ZWILCH: variants seen among roughly 807,000 people sequenced by gnomAD.
ZWILCH encodes the protein protein zwilch homolog.
A neutral mutation model predicts 79.9 loss-of-function variants in ZWILCH; 74 were observed. That is an observed-to-expected ratio of 0.93 (90% confidence interval 0.77 to 1.12). The LOEUF (loss-of-function observed/expected upper bound fraction) is 1.12, where lower values mean the gene tolerates loss of function less well. ZWILCH is among the 50% of genes most tolerant of loss of function. The probability of loss-of-function intolerance (pLI) is 0.00; values close to 1 mark genes in which losing one functional copy is unlikely to be tolerated. For missense variants in ZWILCH, 694 were observed against 687.5 expected (o/e 1.01, Z -0.11); for synonymous variants, 241 against 228.2 (o/e 1.06, Z -0.51).
intron 2 of ZWILCH, among the ~76,000 whole-genome samples, chr15:66,511,416 C>T (rs919464136): frequency 3.3e-5 from 5 of 150,130 alleles, no homozygotes; most frequent in Non-Finnish European, 7.4e-5. Context: ...TTGCTTGAGT[C>T]TGGGAGGTTA....
chr15:66,538,660 T>C (rs8034603), intron 16 of ZWILCH, among the ~76,000 whole-genome samples: 133,677 of 152,216 alleles, frequency 0.88, 58,802 homozygotes, highest in East Asian at 0.93. Flanking sequence ...GGATTACAGG[T>C]GTGAGCCACC....
chr15:66,508,076 T>A (rs1893895598), intron 1 of ZWILCH, among the ~76,000 whole-genome samples: 1 of 152,250 alleles, frequency 6.6e-6, no homozygotes, highest in Admixed American at 6.5e-5. Context: ...CTGTTTCTAT[T>A]TCAGGAAGTC....
intron 8 of ZWILCH, among the ~76,000 whole-genome samples, chr15:66,524,233 T>C (rs1190722046): frequency 2.0e-5 from 3 of 152,236 alleles, no homozygotes; most frequent in East Asian, 1.9e-4. Flanking sequence ...AAAGTAGTTA[T>C]GTTATTTTAT....
chr15:66,549,983 A>G lies in ZWILCH; in HGVS notation c.*1659A>G. On this transcript the variant is annotated 3_prime_UTR_variant, in exon 19 of 19. Transcript: ENST00000307897. Reference sequence around the variant, plus strand: ...GCCACATTTTGAGATTTTGAAAATGATATGTATAATTATTTAGTTTAATTA... The same window carrying G: ...GCCACATTTTGAGATTTTGAAAATGGTATGTATAATTATTTAGTTTAATTA... The G allele has an allele frequency of 2.6e-6, 3 of 1,138,404 alleles. No homozygotes were observed. The highest frequency in any genetic ancestry group is 3.7e-6 in the Non-Finnish European group (3 of 812,464). 70.5% of individuals were successfully genotyped at this position (1,138,404 alleles called of 1,614,324 possible).
At position 66,509,905 on chromosome 15, in the gene ZWILCH, G is replaced by A. The variant is rs555073585; in HGVS notation, c.105+1013G>A. ...ATCAATGAGGAAGATGGCTGGGCAC[G>A]ATGGCTCATGCCTGTAATCGCAGCA... On this transcript the variant is annotated intron_variant, in intron 2 of 18. Transcript: ENST00000307897. Among the ~76,000 whole-genome samples, 139 of 131,994 alleles carry A rather than the reference G, an allele frequency of 1.1e-3. 1 individual carries two copies. The highest frequency in any genetic ancestry group is 4.4e-3 in the Middle Eastern group (1 of 228). The allele number at this position is 131,994 out of a possible 152,430, so 86.6% of individuals were successfully genotyped here.
At chr15:66,506,309 C>T (rs1310674813) in intron 1 of ZWILCH, among the ~76,000 whole-genome samples, 2 of 152,164 alleles carry the variant, frequency 1.3e-5, no homozygotes, top group East Asian at 3.9e-4. Context: ...CATTGTGACT[C>T]CTTATAGATC....
chr15:66,534,808 A>G, intron 14 of ZWILCH, among the ~76,000 whole-genome samples: 1 of 152,196 alleles, frequency 6.6e-6, no homozygotes, highest in South Asian at 2.1e-4. Context: ...ACTGTACACT[A>G]TTGTAGACTA....
intron 4 of ZWILCH, 96 bp downstream of exon 4, chr15:66,515,740 T>G (rs957645291): frequency 1.3e-5 from 10 of 795,796 alleles, no homozygotes; most frequent in Non-Finnish European, 2.0e-5. Flanking sequence ...AGCCCTTATA[T>G]CTTCCTTCAT....
chr15:66,547,709 T>G (rs1166109428), intron 18 of ZWILCH: 1 of 152,130 alleles, frequency 6.6e-6, no homozygotes, highest in Non-Finnish European at 1.5e-5. Context: ...ACGTGCTCAT[T>G]TACTTGGTAC....
chr15:66,528,260 T>G (rs1894746370), intron 10 of ZWILCH, among the ~76,000 whole-genome samples: 1 of 152,162 alleles, frequency 6.6e-6, no homozygotes, highest in African/African-American at 2.4e-5. Flanking sequence ...TGCACCACCA[T>G]GTCTGGCTAA....
chr15:66,527,318 T>A lies in ZWILCH; in HGVS notation c.848T>A (p.Val283Asp). Residue 283 changes from valine (V) to aspartate (D), a missense_variant, in exon 9 of 19, where the codon GTC (valine) becomes GAC (aspartate). Transcript: ENST00000307897. ...LVLADGLRTG[V>D]TEWLEPLEAK... ...TTGGCTGATGGTTTGAGGACTGGTG[T>A]CACTGAATGGCTCGAGCCCCTGGAA... 3 of 1,614,156 alleles carry A rather than the reference T, an allele frequency of 1.9e-6. No individual in the cohort carries two copies. Among genetic ancestry groups the A allele is most frequent in the Non-Finnish European group, 2.5e-6 (3 of 1,180,002 alleles).
intron 2 of ZWILCH, among the ~76,000 whole-genome samples, chr15:66,509,896 G>A: frequency 8.0e-6 from 1 of 125,112 alleles, no homozygotes. Flanking sequence ...GAGGAAGATG[G>A]CTGGGCACGA....
intron 4 of ZWILCH, 21 bp from the exon 5 acceptor site, chr15:66,518,858 G>A (rs760457534): frequency 1.2e-5 from 20 of 1,601,712 alleles, no homozygotes; most frequent in African/African-American, 1.3e-5. Flanking sequence ...TCTATAATTT[G>A]TCCTTACTCT....
In ZWILCH at chr15:66,521,166, G is replaced by A; in HGVS notation, c.708G>A (p.Glu236=). The part of the protein sequence containing the change: ...ALDISWSPVD[E]ILQIPPLSST... The stretch of plus-strand genomic sequence containing the variant: ...ATATTTCCTGGAGTCCTGTGGATGA[G>A]ATTCTTCAAATCCCTCCACTCTCTT... Residue 236 remains glutamate, a synonymous_variant, in exon 7 of 19, where the codon GAG becomes GAA. Transcript: ENST00000307897. 2 of 1,613,530 alleles carry A rather than the reference G, an allele frequency of 1.2e-6. No homozygotes were observed. The highest frequency in any genetic ancestry group is 1.7e-6 in the Non-Finnish European group (2 of 1,180,034).
chr15:66,516,924 G>C (rs1298601571), intron 4 of ZWILCH, among the ~76,000 whole-genome samples: 1 of 152,196 alleles, frequency 6.6e-6, no homozygotes, highest in Admixed American at 6.5e-5. Context: ...TCTCCAGCCA[G>C]TGTTTGTGTG....
At chr15:66,522,715 AAG>A (rs1471662601) in intron 7 of ZWILCH, among the ~76,000 whole-genome samples, 1 of 152,230 alleles carries the variant, frequency 6.6e-6, no homozygotes, top group African/African-American at 2.4e-5. Context: ...AAAAAAGAAA[AAG>A]TATAAATTAT....
intron 1 of ZWILCH, 37 bp from the exon 2 acceptor site, chr15:66,508,804 T>C (rs768341922): frequency 6.2e-7 from 1 of 1,613,224 alleles, no homozygotes; most frequent in South Asian, 1.1e-5. Flanking sequence ...GGAGAGATAA[T>C]GTAGTTCTGT....
chr15:66,550,047 C>G lies in ZWILCH; in HGVS notation c.*1723C>G. On this transcript the variant is annotated 3_prime_UTR_variant, in exon 19 of 19. Coordinates refer to ENST00000307897, the MANE Select transcript of ZWILCH (RefSeq NM_017975.5). ...TTGAAATATACTGACTCACCTGCAG[C>G]AAGCATCTGATTGTTGATAGAGCAA... The G allele has an allele frequency of 1.2e-6, 2 of 1,600,018 alleles. No homozygotes were observed. The highest frequency in any genetic ancestry group is 1.7e-5 in the Admixed American group (1 of 57,808).
At chr15:66,540,944 A>C (rs1162040857) in intron 17 of ZWILCH, among the ~76,000 whole-genome samples, 1 of 151,642 alleles carries the variant, frequency 6.6e-6, no homozygotes, top group Admixed American at 6.6e-5. Flanking sequence ...AGTTTTAAGT[A>C]ATTTTCCCGA....
Sources: gnomAD v4.1 joint callset for allele counts (sites outside exome capture counted in the v4.1 genomes callset) on GRCh38, gnomAD v4.1.1 for gene constraint, MANE v1.5 for transcripts, NCBI Gene and HGNC (gene_info 2026-07-23, HGNC 2026-07-21) for gene names.